The following VPS35 variants were observed in gnomAD, a reference collection of about 807,000 sequenced individuals.
VPS35 encodes vacuolar protein sorting-associated protein 35.
In VPS35, 21 loss-of-function variants were observed where a neutral mutation model predicts 98.1. The observed-to-expected ratio is 0.21, with a 90% CI of 0.15 to 0.31. The LOEUF is 0.31. Among genes scored for constraint, VPS35 ranks in the 10% least tolerant of loss-of-function variants. VPS35 has a pLI of 1.00. For synonymous variants in VPS35, 268 were observed against 318.2 expected, an observed-to-expected ratio of 0.84 and a Z score of 1.68; for missense variants, 554 against 950.8, an observed-to-expected ratio of 0.58 and a Z score of 5.49.
At chr16:46,688,967 G>C (rs1966373462) in intron 1 of VPS35, 164 bp downstream of exon 1, 1 of 1,509,426 alleles carries the variant, frequency 6.6e-7, no homozygotes. Context: ...GCCTGCCCGC[G>C]GCCTTCCTCC....
intron 5 of VPS35, among the ~76,000 whole-genome samples, 167 bp downstream of exon 5, chr16:46,680,504 T>TACTGAGGA (rs1185389983): frequency 6.6e-6 from 1 of 152,236 alleles, no homozygotes. Flanking sequence ...ATACCACATA[T>TACTGAGGA]ACTGAGGAGT....
At chr16:46,667,753 CA>C (rs1281787903) in intron 13 of VPS35, among the ~76,000 whole-genome samples, 1 of 152,010 alleles carries the variant, frequency 6.6e-6, no homozygotes, top group East Asian at 1.9e-4. Flanking sequence ...CCAACTTTCC[CA>C]ATACTATTTA....
At chr16:46,678,429 CAT>C (rs1374199579) in intron 6 of VPS35, among the ~76,000 whole-genome samples, 1 of 151,938 alleles carries the variant, frequency 6.6e-6, no homozygotes, top group African/African-American at 2.4e-5. Flanking sequence ...TTGTACAGCA[CAT>C]GTCTTACAAA....
At chr16:46,668,795 G>T in intron 13 of VPS35, 135 bp downstream of exon 13, 4 of 1,236,306 alleles carry the variant, frequency 3.2e-6, no homozygotes, top group Non-Finnish European at 4.5e-6. Flanking sequence ...ATAGAGAGTT[G>T]GCGAAAATGG....
chr16:46,668,963 C>A lies in VPS35; in HGVS notation c.1614G>T (p.Gln538His), dbSNP rs759900117. The A allele has an allele frequency of 6.2e-7, 1 of 1,614,116 alleles. No individual in the cohort carries two copies. Among genetic ancestry groups the A allele is most frequent in the Non-Finnish European group, 8.5e-7 (1 of 1,180,010 alleles). Residue 538 changes from glutamine (Q) to histidine (H), a missense_variant, in exon 13 of 17, where the codon CAG becomes CAT. Gln to His is a conservative substitution (Grantham distance 24). Transcript: ENST00000299138. ...TLPPLVFAAY[Q>H]LAFRYKENSK... ...AATTCTCTTTATATCGAAAAGCCAG[C>A]TGGTAAGCTGCAAATACCAAAGGTG...
chr16:46,657,046 A>T lies in VPS35; in HGVS notation c.*3426T>A, dbSNP rs1442025871. ...ACAGTCCCTCTCCAGAGATTTTGGA[A>T]GCATGGACCATTTTGTTGGACAATG... is the stretch of plus-strand genomic sequence containing the variant. On this transcript the variant is annotated 3_prime_UTR_variant, in exon 17 of 17. Coordinates refer to ENST00000299138, the MANE Select transcript of VPS35 (RefSeq NM_018206.6). 6 of 152,248 alleles carry T rather than the reference A, an allele frequency of 3.9e-5. No individual in the cohort carries two copies. The highest frequency in any genetic ancestry group is 1.4e-4 in the African/African-American group (6 of 41,454). The allele number at this position is 152,248 out of a possible 1,614,324, so 9.4% of individuals were successfully genotyped here.
chr16:46,657,536 AT>A lies in VPS35; in HGVS notation c.*2935del, dbSNP rs906681273. On this transcript the variant is annotated 3_prime_UTR_variant, in exon 17 of 17. Transcript: ENST00000299138. ...GCACACGAACTGTACACAAGTGCTCATCATTCTCCTTCTAGGTGCTCTGGTG... is the reference window on the plus strand; with the variant it reads ...GCACACGAACTGTACACAAGTGCTCACATTCTCCTTCTAGGTGCTCTGGTG... 1 of 152,174 alleles carries A rather than the reference AT, an allele frequency of 6.6e-6. No individual in the cohort carries two copies. The highest frequency in any genetic ancestry group is 1.5e-5 in the Non-Finnish European group (1 of 68,052). 9.4% of individuals were successfully genotyped at this position (152,174 alleles called of 1,614,324 possible).
intron 2 of VPS35, 116 bp from the exon 3 acceptor site, chr16:46,682,291 T>C: frequency 1.2e-6 from 1 of 813,208 alleles, no homozygotes; most frequent in Admixed American, 2.2e-5. Flanking sequence ...AATACCGCAC[T>C]TAAATGATTT....
intron 10 of VPS35, 50 bp from the exon 11 acceptor site, chr16:46,672,522 T>C (rs1188663516): frequency 2.0e-6 from 3 of 1,496,436 alleles, no homozygotes; most frequent in Non-Finnish European, 1.9e-6. Flanking sequence ...ACTTTCTATA[T>C]ACACAAATAG....
chr16:46,679,294 G>T, intron 5 of VPS35, 138 bp from the exon 6 acceptor site: 1 of 815,114 alleles, frequency 1.2e-6, no homozygotes. Flanking sequence ...CATTGGCTTA[G>T]TGTTAAATTT....
intron 6 of VPS35, among the ~76,000 whole-genome samples, chr16:46,678,137 G>C (rs1010432539): frequency 2.0e-5 from 3 of 152,178 alleles, no homozygotes; most frequent in Non-Finnish European, 4.4e-5. Flanking sequence ...TACAAATAAA[G>C]TTTTACTAGA....
At chr16:46,678,864 T>C in intron 6 of VPS35, 79 bp downstream of exon 6, 11 of 1,469,320 alleles carry the variant, frequency 7.5e-6, no homozygotes, top group Non-Finnish European at 1.0e-5. Flanking sequence ...TACTATTGTA[T>C]AACAAAAATA....
At position 46,679,032 on chromosome 16, in the gene VPS35, G is replaced by T; in HGVS notation, c.631C>A (p.Arg211=). 5 of 1,613,996 alleles carry T rather than the reference G, an allele frequency of 3.1e-6. No homozygotes were observed. Among genetic ancestry groups the T allele is most frequent in the South Asian group, 1.1e-5 (1 of 91,078 alleles). ...AAAATTCTCAGTTCTTGTCTTTCTC[G>T]TTCTCTTTTTTCTCTATCTCGGCTA... ...GHSRDREKRE[R]ERQELRILVG... is the part of the protein sequence containing the mutation. Residue 211 remains arginine (R), a synonymous_variant, in exon 6 of 17, where the codon CGA becomes AGA. Transcript: ENST00000299138.
intron 1 of VPS35, chr16:46,688,796 C>G (rs1247135659): frequency 3.7e-6 from 5 of 1,342,170 alleles, no homozygotes; most frequent in Non-Finnish European, 4.8e-6. Flanking sequence ...CCTAGGACTA[C>G]CGGTCCCCTC....
In VPS35 at chr16:46,662,354, C is replaced by T. The variant is rs769692699; in HGVS notation, c.1956G>A (p.Gln652=). Reference sequence around the variant, plus strand: ...GAAGTTTGGATGCAGCAAGGGCACACTGAGTCCTCAGAGGTTCGTGATTCT... The same window carrying T: ...GAAGTTTGGATGCAGCAAGGGCACATTGAGTCCTCAGAGGTTCGTGATTCT... The part of the protein sequence containing the change: ...SEENHEPLRT[Q]CALAASKLLK... The change falls in exon 15 of 17, where the codon CAG becomes CAA. Residue 652 remains glutamine, a synonymous_variant. Transcript: ENST00000299138. The T allele has an allele frequency of 1.9e-6, 3 of 1,614,102 alleles. No homozygotes were observed. The South Asian group carries it at 3.3e-5, about 18-fold the overall frequency.
chr16:46,669,746 T>C (rs956486260), intron 12 of VPS35, among the ~76,000 whole-genome samples: 1 of 152,048 alleles, frequency 6.6e-6, no homozygotes, highest in Non-Finnish European at 1.5e-5. Flanking sequence ...TAAAAGCAGA[T>C]GCTAATACTT....
At chr16:46,688,763 G>C (rs902921808) in intron 1 of VPS35, 104 of 1,232,544 alleles carry the variant, frequency 8.4e-5, no homozygotes, top group Middle Eastern at 6.5e-4. Flanking sequence ...GCCTCCACGC[G>C]CCCCGGGGGC....
chr16:46,663,247 G>A, intron 13 of VPS35, 85 bp from the exon 14 acceptor site: 1 of 1,243,840 alleles, frequency 8.0e-7, no homozygotes, highest in Non-Finnish European at 1.1e-6. Context: ...ACAAAATACT[G>A]TAAGTTGTGT....
Position 46,660,467 on chromosome 16 carries a change from C to T in VPS35, c.*5G>A, listed in dbSNP as rs1324849965. 4 of 1,613,582 alleles carry T rather than the reference C, an allele frequency of 2.5e-6. No individual in the cohort carries two copies. The highest frequency in any genetic ancestry group is 1.7e-5 in the Admixed American group (1 of 59,990). On this transcript the variant is annotated 3_prime_UTR_variant, in exon 17 of 17. Transcript: ENST00000299138. ...TGGAAAGGAGTATGGTGAGCTATTT[C>T]CTTTTTAAAGGATGAGACCTTCATA...
Sources: gnomAD v4.1 joint callset for allele counts (sites outside exome capture counted in the v4.1 genomes callset) on GRCh38, gnomAD v4.1.1 for gene constraint, MANE v1.5 for transcripts, NCBI Gene and HGNC (gene_info 2026-07-23, HGNC 2026-07-21) for gene names.